MRPL3: variants seen among roughly 807,000 people sequenced by gnomAD.
MRPL3 encodes mitochondrial ribosomal protein L3, also known as large ribosomal subunit protein uL3m.
A neutral mutation model predicts 44.3 loss-of-function variants in MRPL3; 43 were observed. The ratio of observed to expected loss-of-function variants is 0.97; its 90% confidence interval spans 0.76 to 1.25. The LOEUF (loss-of-function observed/expected upper bound fraction) is 1.25, where lower values mean the gene tolerates loss of function less well. MRPL3 is among the 50% of genes most tolerant of loss of function. MRPL3 has a pLI of 0.00. For missense variants in MRPL3, 406 were observed against 427.6 expected, an observed-to-expected ratio of 0.95 and a Z score of 0.45; for synonymous variants, 171 against 152.3, an observed-to-expected ratio of 1.12 and a Z score of -0.91.
At position 131,469,742 on chromosome 3, in the gene MRPL3, A is replaced by G; in HGVS notation, c.770T>C (p.Met257Thr). The G allele has an allele frequency of 1.2e-6, 2 of 1,612,328 alleles. No homozygotes were observed. Among genetic ancestry groups the G allele is most frequent in the South Asian group, 2.2e-5 (2 of 90,990 alleles). ...DIGRVWPGTKMPGKMGNIYRT... is the reference protein window; with the variant it reads ...DIGRVWPGTKTPGKMGNIYRT... ...GTATATGTTTCCCATTTTTCCAGGC[A>G]TTTTAGTTCCAGGCCAGACTCTGCC... is the stretch of plus-strand genomic sequence containing the variant. Residue 257 changes from methionine (M) to threonine (T), a missense_variant, in exon 8 of 10, where the codon ATG (methionine) becomes ACG (threonine). Physicochemically the swap from Met to Thr is moderately conservative, Grantham distance 81 (BLOSUM62 -1). Transcript: ENST00000264995.
intron 9 of MRPL3, among the ~76,000 whole-genome samples, chr3:131,466,577 A>T (rs546498132): frequency 6.6e-6 from 1 of 152,190 alleles, no homozygotes; most frequent in Admixed American, 6.5e-5. Flanking sequence ...GTAATAATAA[A>T]AAAGCTCCCC....
chr3:131,483,094 C>T (rs932055991), intron 6 of MRPL3, among the ~76,000 whole-genome samples: 1 of 151,470 alleles, frequency 6.6e-6, no homozygotes, highest in African/African-American at 2.4e-5. Context: ...CATACCTCAG[C>T]TTACTCACTA....
intron 1 of MRPL3, chr3:131,501,933 A>G: frequency 6.5e-7 from 1 of 1,533,440 alleles, no homozygotes; most frequent in Non-Finnish European, 8.7e-7. Flanking sequence ...CCCTGGAGAA[A>G]AAAATTCATC....
Position 131,462,687 on chromosome 3 carries a change from C to G in MRPL3, c.*36G>C. 1 of 1,561,824 alleles carries G rather than the reference C, an allele frequency of 6.4e-7. No homozygotes were observed. Among genetic ancestry groups the G allele is most frequent in the Non-Finnish European group, 8.7e-7 (1 of 1,148,210 alleles). ...GATATCACTCTGGCTCATCGAAGCT[C>G]ACAGAATATGTAAGGTTCTGCCACG... On this transcript the variant is annotated 3_prime_UTR_variant, in exon 10 of 10. Transcript: ENST00000264995.
intron 4 of MRPL3, 102 bp from the exon 5 acceptor site, chr3:131,490,182 C>T: frequency 1.3e-6 from 1 of 770,888 alleles, no homozygotes; most frequent in Non-Finnish European, 2.2e-6. Flanking sequence ...GAAAATAAAT[C>T]AAAGCATACC....
intron 6 of MRPL3, among the ~76,000 whole-genome samples, chr3:131,480,830 G>T (rs1007859145): frequency 6.6e-6 from 1 of 152,310 alleles, no homozygotes; most frequent in Admixed American, 6.5e-5. Context: ...CTTTAGTATA[G>T]ATAAGGGTGA....
At chr3:131,485,969 T>C (rs1252470085) in intron 6 of MRPL3, among the ~76,000 whole-genome samples, 1 of 152,094 alleles carries the variant, frequency 6.6e-6, no homozygotes, top group Non-Finnish European at 1.5e-5. Flanking sequence ...TGCAGAATTA[T>C]CATGCAACAA....
intron 8 of MRPL3, 59 bp downstream of exon 8, chr3:131,469,637 G>A: frequency 8.5e-7 from 1 of 1,179,886 alleles, no homozygotes; most frequent in Non-Finnish European, 1.3e-6. Context: ...TACATATTCT[G>A]CTGCCTTTGC....
In MRPL3 at chr3:131,501,697, A is replaced by G. The variant is rs1184246588; in HGVS notation, c.111T>C (p.Phe37=). The change falls in exon 2 of 10, where the codon TTT becomes TTC. Residue 37 remains phenylalanine (F), a synonymous_variant. Transcript: ENST00000264995. ...CACTCTTTCCATGAAGACCTCTAACAAAAAGCCAGATGTGTGTTCTATAAA... is the reference window on the plus strand; with the variant it reads ...CACTCTTTCCATGAAGACCTCTAACGAAAAGCCAGATGTGTGTTCTATAAA... ...GPGNRTHIWL[F]VRGLHGKSGT... 1.9e-6 allele frequency: 3 copies of G among 1,612,762 alleles called. No homozygotes were observed. The highest frequency in any genetic ancestry group is 1.7e-5 in the Admixed American group (1 of 59,790).
chr3:131,477,733 C>T (rs1197706012), intron 6 of MRPL3, among the ~76,000 whole-genome samples: 1 of 152,094 alleles, frequency 6.6e-6, no homozygotes, highest in Non-Finnish European at 1.5e-5. Context: ...GATAAGAATA[C>T]TTTTGAAGAA....
At chr3:131,487,828 C>T (rs1934164083) in intron 5 of MRPL3, 88 bp from the exon 6 acceptor site, 1 of 1,017,602 alleles carries the variant, frequency 9.8e-7, no homozygotes, top group Non-Finnish European at 1.5e-6. Context: ...AGGAAGGCTT[C>T]TAGCTGATTT....
chr3:131,500,492 T>A lies in MRPL3; in HGVS notation c.307A>T (p.Lys103Ter). The A allele has an allele frequency of 6.2e-7, 1 of 1,613,862 alleles. No homozygotes were observed. The highest frequency in any genetic ancestry group is 1.7e-4 in the Middle Eastern group (1 of 6,060). ...GTCCATAAAGGCATCATGCCCAGCT[T>A]CAAGGCAATAAGACCAACTCTAAAG... ...GSFRVGLIALKLGMMPLWTKD... is the reference protein window; with the variant it reads ...GSFRVGLIAL Residue 103 changes from lysine to a stop codon, truncating the protein, a stop_gained, in exon 3 of 10, where the codon AAG becomes TAG. Transcript: ENST00000264995. LOFTEE classifies it high-confidence loss of function.
chr3:131,500,192 T>C (rs1934462644), intron 3 of MRPL3, among the ~76,000 whole-genome samples: 1 of 151,764 alleles, frequency 6.6e-6, no homozygotes, highest in Non-Finnish European at 1.5e-5. Context: ...AGGTTATACT[T>C]AAAAAAAAAT....
At chr3:131,464,840 C>A (rs748649365) in intron 9 of MRPL3, among the ~76,000 whole-genome samples, 44 of 152,272 alleles carry the variant, frequency 2.9e-4, no homozygotes, top group Admixed American at 1.1e-3. Flanking sequence ...GAAACAAAAG[C>A]TCCCAAGAAG....
intron 1 of MRPL3, among the ~76,000 whole-genome samples, chr3:131,502,134 G>GA (rs1934513360): frequency 1.3e-5 from 2 of 152,192 alleles, no homozygotes; most frequent in Non-Finnish European, 2.9e-5. Context: ...GAGAAGTGAA[G>GA]AAACTGGGTG....
Position 131,484,634 on chromosome 3 carries a change from G to A in MRPL3, c.629+3046C>T, listed in dbSNP as rs183294978. The stretch of plus-strand genomic sequence containing the variant: ...CATGTATGTGTACATGTACAGACGT[G>A]GGAAGTCAGTGGCAGAGAGAAGAGG... On this transcript the variant is annotated intron_variant, in intron 6 of 9. Transcript: ENST00000264995. 1.5e-3 allele frequency among the ~76,000 whole-genome samples: 223 copies of A among 152,260 alleles called. 1 individual carries two copies. The highest frequency in any genetic ancestry group is 2.6e-3 in the Non-Finnish European group (179 of 68,024).
chr3:131,492,979 A>G (rs1934291363), intron 4 of MRPL3, among the ~76,000 whole-genome samples: 1 of 152,218 alleles, frequency 6.6e-6, no homozygotes, highest in Non-Finnish European at 1.5e-5. Context: ...ACTTGACAAA[A>G]AAGTTATGCC....
intron 9 of MRPL3, 118 bp downstream of exon 9, chr3:131,467,973 A>G: frequency 2.0e-6 from 1 of 491,998 alleles, no homozygotes; most frequent in Non-Finnish European, 3.5e-6. Flanking sequence ...GAGAAAAAGG[A>G]GACTTTATGG....
chr3:131,479,444 T>G (rs1933926951), intron 6 of MRPL3, among the ~76,000 whole-genome samples: 1 of 152,220 alleles, frequency 6.6e-6, no homozygotes, highest in Non-Finnish European at 1.5e-5. Flanking sequence ...AAAAAGCAGC[T>G]TCTCTGTTAT....
Sources: gnomAD v4.1 joint callset for allele counts (sites outside exome capture counted in the v4.1 genomes callset) on GRCh38, gnomAD v4.1.1 for gene constraint, MANE v1.5 for transcripts, NCBI Gene and HGNC (gene_info 2026-07-23, HGNC 2026-07-21) for gene names.